The following RBFOX1 variants were observed in gnomAD, a reference collection of about 807,000 sequenced individuals.
The protein encoded by RBFOX1 is RNA binding fox-1 homolog 1, also known as RNA binding protein fox-1 homolog 1.
RBFOX1 carries 8 observed loss-of-function variants against 57.7 expected under a neutral mutation model. The ratio of observed to expected loss-of-function variants is 0.14; its 90% CI spans 0.08 to 0.25. The LOEUF (loss-of-function observed/expected upper bound fraction) is 0.25, where lower values mean the gene tolerates loss of function less well. Ranked by LOEUF, RBFOX1 falls within the 10% of genes least tolerant of loss-of-function variation. The pLI is 1.00. For synonymous variants in RBFOX1, 326 were observed against 222.4 expected (o/e 1.47, Z -4.15); for missense variants, 611 against 548.5 (o/e 1.11, Z -1.14).
At chr16:7,194,283 G>T (rs931180020) in intron 4 of RBFOX1, among the ~76,000 whole-genome samples, 1 of 152,102 alleles carries the variant, frequency 6.6e-6, no homozygotes, top group Non-Finnish European at 1.5e-5. Context: ...TTATTTTATG[G>T]CTACCTTTTA....
At chr16:6,888,662 C>G (rs370694294) in intron 3 of RBFOX1, among the ~76,000 whole-genome samples, 2 of 152,056 alleles carry the variant, frequency 1.3e-5, no homozygotes, top group African/African-American at 2.4e-5. Context: ...CTATTTCTGA[C>G]CCAGATGTCT....
rs528140885 is a variant in RBFOX1 at position 7,192,026 on chromosome 16, A to G, written c.27+139928A>G. ...GTTCAACATCGTTTAACATTTTATT[A>G]GAGGGAAACAGTTTTTAATCTATTG... On this transcript the variant is annotated intron_variant, in intron 4 of 15. Coordinates refer to ENST00000550418, the MANE Select transcript of RBFOX1 (RefSeq NM_018723.4). 7.9e-4 allele frequency among the ~76,000 whole-genome samples: 120 copies of G among 152,338 alleles called. 1 individual carries two copies. Among genetic ancestry groups the G allele is most frequent in the Non-Finnish European group, 2.9e-5 (2 of 68,034 alleles).
At chr16:5,787,705 C>T (rs893104290) in intron 3 of RBFOX1, among the ~76,000 whole-genome samples, 3 of 152,122 alleles carry the variant, frequency 2.0e-5, no homozygotes, top group Non-Finnish European at 4.4e-5. Context: ...GGAAGGCGAG[C>T]CCAGGAGAGG....
chr16:5,760,092 C>T lies in RBFOX1; in HGVS notation c.319-107211C>T, dbSNP rs1031672900. Among the ~76,000 whole-genome samples, 11 of 151,542 alleles carry T rather than the reference C, an allele frequency of 7.3e-5. No individual in the cohort carries two copies. The East Asian group carries it at 1.9e-3, about 27-fold the overall frequency. ...TAAATAGCAGGAAATTTTTGCTTAC[C>T]TAATATTTATTGAGTAGCTGTTACA... On this transcript the variant is annotated intron_variant, in intron 3 of 19. Transcript: ENST00000641259.
rs575918322 is a variant in RBFOX1, at chr16:5,815,279, C to T, written c.319-52024C>T. 5.3e-5 allele frequency among the ~76,000 whole-genome samples: 8 copies of T among 150,092 alleles called. No individual in the cohort carries two copies. In the South Asian group the frequency reaches 1.7e-3, roughly 32 times the overall value. ...AAAGTGCTGGGATTACAGGTGTGAG[C>T]CATCGTGCCTGGCCTGATTTCCTTT... On this transcript the variant is annotated intron_variant, in intron 3 of 19. Coordinates refer to the RBFOX1 transcript ENST00000641259.
intron 4 of RBFOX1, among the ~76,000 whole-genome samples, chr16:7,300,088 C>T (rs1325521499): frequency 2.0e-5 from 3 of 152,154 alleles, no homozygotes; most frequent in African/African-American, 7.2e-5. Flanking sequence ...GTAGATTTCA[C>T]TGCCGTCTCC....
At chr16:5,975,121 C>G (rs1459856514) in intron 4 of RBFOX1, among the ~76,000 whole-genome samples, 2 of 152,052 alleles carry the variant, frequency 1.3e-5, no homozygotes, top group Non-Finnish European at 2.9e-5. Context: ...CCTTTGATGC[C>G]TATGTTGTTT....
At chr16:6,357,460 T>A in intron 2 of RBFOX1, among the ~76,000 whole-genome samples, 1 of 152,140 alleles carries the variant, frequency 6.6e-6, no homozygotes, top group Non-Finnish European at 1.5e-5. Context: ...ATTGTTTTCC[T>A]GGGGGTTTCT....
intron 3 of RBFOX1, among the ~76,000 whole-genome samples, chr16:5,806,219 T>C (rs1333810395): frequency 6.6e-6 from 1 of 152,178 alleles, no homozygotes. Flanking sequence ...TGTGCAGTTA[T>C]AACAAAATGA....
intron 3 of RBFOX1, among the ~76,000 whole-genome samples, chr16:6,842,145 AAAAAAAT>A (rs1311386931): frequency 2.8e-5 from 4 of 141,742 alleles, no homozygotes; most frequent in African/African-American, 8.2e-5. Flanking sequence ...TGTCTCAGAA[AAAAAAAT>A]AAAAAATAAA....
chr16:6,079,279 C>T (rs2095960950), intron 1 of RBFOX1, among the ~76,000 whole-genome samples: 1 of 152,112 alleles, frequency 6.6e-6, no homozygotes, highest in Non-Finnish European at 1.5e-5. Context: ...GCACTGCAGC[C>T]TGGACAACAA....
chr16:5,972,613 G>T (rs2152300879), intron 4 of RBFOX1, among the ~76,000 whole-genome samples: 2 of 152,330 alleles, frequency 1.3e-5, no homozygotes, highest in East Asian at 3.9e-4. Context: ...TTGGTTGCGG[G>T]CAATCAGGGA....
At chr16:5,763,614 C>G (rs886411304) in intron 3 of RBFOX1, among the ~76,000 whole-genome samples, 5 of 152,356 alleles carry the variant, frequency 3.3e-5, no homozygotes, top group East Asian at 1.9e-4. Context: ...AGGCAATCCG[C>G]CGGCCTCCTG....
At chr16:6,360,311 C>T (rs755004428) in intron 2 of RBFOX1, among the ~76,000 whole-genome samples, 3 of 151,824 alleles carry the variant, frequency 2.0e-5, no homozygotes, top group Non-Finnish European at 2.9e-5. Context: ...CCAAAATTCT[C>T]GCAAGAAAAA....
At chr16:6,746,333 G>A (rs2073630889) in intron 3 of RBFOX1, among the ~76,000 whole-genome samples, 1 of 152,036 alleles carries the variant, frequency 6.6e-6, no homozygotes, top group Non-Finnish European at 1.5e-5. Flanking sequence ...AACAATTTGG[G>A]AAGATGAATA....
At chr16:7,687,078 A>G (rs1377029592) in intron 14 of RBFOX1, among the ~76,000 whole-genome samples, 2 of 152,094 alleles carry the variant, frequency 1.3e-5, no homozygotes, top group Non-Finnish European at 2.9e-5. Flanking sequence ...CCCCTTTTCA[A>G]AAAGAGATAG....
chr16:7,630,743 C>G (rs2060816155), intron 11 of RBFOX1, 60 bp downstream of exon 11: 2 of 1,604,488 alleles, frequency 1.2e-6, no homozygotes, highest in South Asian at 1.1e-5. Flanking sequence ...CAATCACCTT[C>G]CCTGCCATGT....
intron 3 of RBFOX1, among the ~76,000 whole-genome samples, chr16:6,815,128 G>T (rs1024700823): frequency 6.6e-6 from 1 of 152,110 alleles, no homozygotes; most frequent in South Asian, 2.1e-4. Context: ...CGTAACTTCC[G>T]GGTGTTGCTA....
intron 2 of RBFOX1, among the ~76,000 whole-genome samples, chr16:6,374,713 G>T (rs1002462586): frequency 6.6e-6 from 1 of 152,208 alleles, no homozygotes; most frequent in Non-Finnish European, 1.5e-5. Flanking sequence ...AGAACGAAGA[G>T]ACTGTTATTG....
Sources: gnomAD v4.1 joint callset for allele counts (sites outside exome capture counted in the v4.1 genomes callset) on GRCh38, gnomAD v4.1.1 for gene constraint, MANE v1.5 for transcripts, NCBI Gene and HGNC (gene_info 2026-07-23, HGNC 2026-07-21) for gene names.